The following CLSTN2 variants were observed in gnomAD, a reference collection of about 807,000 sequenced individuals.
The protein encoded by CLSTN2 is calsyntenin-2.
CLSTN2 carries 48 observed loss-of-function variants against 101.2 expected under a neutral mutation model. The observed-to-expected ratio is 0.47, with a 90% CI of 0.38 to 0.60. The LOEUF (loss-of-function observed/expected upper bound fraction) is 0.60, where lower values mean the gene tolerates loss of function less well. CLSTN2 is among the 20% of genes least tolerant of loss of function. CLSTN2 has a pLI of 0.00. For synonymous variants in CLSTN2, 481 were observed against 463.6 expected (o/e 1.04, Z -0.48); for missense variants, 1,160 against 1,238.2 (o/e 0.94, Z 0.95).
At chr3:140,367,935 T>C (rs1341818140) in intron 2 of CLSTN2, among the ~76,000 whole-genome samples, 1 of 152,192 alleles carries the variant, frequency 6.6e-6, no homozygotes, top group African/African-American at 2.4e-5. Flanking sequence ...GTAGCTGTCC[T>C]GGCCCAGGAG....
chr3:140,241,870 CAT>C (rs72373622), intron 2 of CLSTN2, among the ~76,000 whole-genome samples: 7,086 of 131,980 alleles, frequency 0.054, 229 homozygotes, highest in Middle Eastern at 0.12. Context: ...TATATATACA[CAT>C]ATATATATAC....
intron 2 of CLSTN2, among the ~76,000 whole-genome samples, chr3:140,223,568 A>G (rs1385217332): frequency 6.6e-6 from 1 of 152,132 alleles, no homozygotes; most frequent in African/African-American, 2.4e-5. Flanking sequence ...CCCTATCATC[A>G]TTCATTTTCC....
At chr3:140,467,563 C>T (rs1345063233) in intron 8 of CLSTN2, among the ~76,000 whole-genome samples, 1 of 152,140 alleles carries the variant, frequency 6.6e-6, no homozygotes, top group Non-Finnish European at 1.5e-5. Context: ...CTTTCTCTGA[C>T]CCTTCCTCCC....
intron 2 of CLSTN2, among the ~76,000 whole-genome samples, chr3:140,401,991 C>T (rs1292592788): frequency 6.6e-6 from 1 of 151,814 alleles, no homozygotes; most frequent in East Asian, 1.9e-4. Context: ...CCATTTATTC[C>T]ACAAGTACAT....
chr3:140,543,904 G>A (rs1935534584), intron 9 of CLSTN2, among the ~76,000 whole-genome samples: 1 of 152,156 alleles, frequency 6.6e-6, no homozygotes, highest in Admixed American at 6.5e-5. Context: ...TGGGTCCCAG[G>A]TCCACCCCTC....
intron 1 of CLSTN2, among the ~76,000 whole-genome samples, chr3:140,140,198 T>A (rs1271567229): frequency 6.6e-6 from 1 of 152,156 alleles, no homozygotes; most frequent in African/African-American, 2.4e-5. Context: ...GCAGCCTACA[T>A]CCTTTTATTG....
chr3:140,110,648 T>C lies in CLSTN2; in HGVS notation c.110-65303T>C. 1.3e-5 allele frequency among the ~76,000 whole-genome samples: 2 copies of C among 152,194 alleles called. 1 individual carries two copies. Among genetic ancestry groups the C allele is most frequent in the Non-Finnish European group, 2.9e-5 (2 of 68,030 alleles). ...AATGCTGGGATCATTCCTCATTATT[T>C]CTATTGTAGATCTAGGGAAGCTAAG... On this transcript the variant is annotated intron_variant, in intron 1 of 16. Transcript: ENST00000458420.
chr3:140,404,878 A>G (rs1473062338), intron 4 of CLSTN2, 112 bp downstream of exon 4: 2 of 900,612 alleles, frequency 2.2e-6, no homozygotes, highest in Admixed American at 2.0e-5. Context: ...CTTTCTTGCC[A>G]TGTTTGGTCT....
chr3:140,515,651 T>TGGG (rs1273482886), intron 8 of CLSTN2, among the ~76,000 whole-genome samples: 3 of 152,178 alleles, frequency 2.0e-5, no homozygotes, highest in African/African-American at 7.2e-5. Context: ...AGCAGGTTAT[T>TGGG]TAATTTCTAT....
chr3:139,969,050 T>TA (rs11453107), intron 1 of CLSTN2, among the ~76,000 whole-genome samples: 40,176 of 151,954 alleles, frequency 0.26, 5,392 homozygotes, highest in African/African-American at 0.28. Flanking sequence ...TTGGTATGTA[T>TA]ATGCTTTTTT....
intron 9 of CLSTN2, among the ~76,000 whole-genome samples, chr3:140,542,997 T>C (rs1347450005): frequency 1.3e-5 from 2 of 152,198 alleles, no homozygotes; most frequent in Non-Finnish European, 2.9e-5. Context: ...TTTGGTCACC[T>C]ACTTCCCCTC....
intron 5 of CLSTN2, among the ~76,000 whole-genome samples, chr3:140,431,230 C>CAA (rs1253814255): frequency 6.6e-6 from 1 of 152,068 alleles, no homozygotes; most frequent in African/African-American, 2.4e-5. Flanking sequence ...ATAACGTGTT[C>CAA]AAAAATAAAC....
At chr3:140,562,721 G>C in intron 13 of CLSTN2, 90 bp from the exon 14 acceptor site, 2 of 1,373,664 alleles carry the variant, frequency 1.5e-6, no homozygotes, top group Non-Finnish European at 2.0e-6. Context: ...AGACCCATGA[G>C]GTCTTGTACC....
chr3:140,551,720 G>A (rs1396548939), intron 10 of CLSTN2, among the ~76,000 whole-genome samples: 8 of 151,782 alleles, frequency 5.3e-5, no homozygotes, highest in African/African-American at 1.5e-4. Flanking sequence ...CTTTAAGCCC[G>A]AATCTCTTGT....
chr3:140,485,236 T>A (rs1350384911), intron 8 of CLSTN2, among the ~76,000 whole-genome samples: 1 of 152,238 alleles, frequency 6.6e-6, no homozygotes, highest in Non-Finnish European at 1.5e-5. Flanking sequence ...GACCCTGTTT[T>A]CCTGGGTATC....
chr3:140,219,691 T>C (rs1352873816), intron 2 of CLSTN2, among the ~76,000 whole-genome samples: 1 of 152,204 alleles, frequency 6.6e-6, no homozygotes, highest in Non-Finnish European at 1.5e-5. Flanking sequence ...AGCTGTGGAA[T>C]TGGAGACAGC....
intron 1 of CLSTN2, among the ~76,000 whole-genome samples, chr3:140,154,447 G>A (rs2009916638): frequency 6.6e-6 from 1 of 152,016 alleles, no homozygotes. Context: ...TAAGTGTGGT[G>A]GGCAGCTGGA....
chr3:140,065,056 C>G (rs1435125217), intron 1 of CLSTN2, among the ~76,000 whole-genome samples: 1 of 152,142 alleles, frequency 6.6e-6, no homozygotes, highest in East Asian at 1.9e-4. Context: ...TGGCTAACAA[C>G]CATGGAAGCA....
At chr3:140,220,116 G>A (rs1004586501) in intron 2 of CLSTN2, among the ~76,000 whole-genome samples, 4 of 152,178 alleles carry the variant, frequency 2.6e-5, no homozygotes, top group Non-Finnish European at 5.9e-5. Context: ...TGCTTTTCCT[G>A]CAGTCAGCAA....
Sources: allele counts gnomAD v4.1 joint callset (sites outside exome capture counted in the v4.1 genomes callset), GRCh38; gene constraint gnomAD v4.1.1; transcripts MANE v1.5; gene names NCBI Gene and HGNC (gene_info 2026-07-23, HGNC 2026-07-21).